Variants in DCTN6 observed in about 807,000 individuals in gnomAD.
DCTN6 encodes dynactin 6.
In DCTN6, 15 loss-of-function variants were observed where a neutral mutation model predicts 25.8. That is an observed-to-expected ratio of 0.58 (90% CI 0.39 to 0.89). The LOEUF is 0.89. DCTN6 is among the 40% of genes least tolerant of loss of function. DCTN6 has a pLI of 0.00. For missense variants in DCTN6, 198 were observed against 237.6 expected, an observed-to-expected ratio of 0.83 and a Z score of 1.09; for synonymous variants, 64 against 78.3, an observed-to-expected ratio of 0.82 and a Z score of 0.96.
rs1803636884 is a variant in DCTN6, at chr8:30,164,316, T to C, written c.88+141T>C. On this transcript the variant is annotated intron_variant, in intron 2 of 6. Transcript: ENST00000221114. The stretch of plus-strand genomic sequence containing the variant: ...ACAAAATAATGCATTTTCTCCTATG[T>C]GTTTAAATTTCTGAAAGAATGTAGT... 3 of 697,168 alleles carry C rather than the reference T, an allele frequency of 4.3e-6. No homozygotes were observed. The Admixed American group carries it at 7.2e-5, about 17-fold the overall frequency. The allele number at this position is 697,168 out of a possible 1,614,324, so 43.2% of individuals were successfully genotyped here. A position where few individuals can be genotyped will look rare whatever the true frequency, so the allele number is the denominator to read the frequency against.
intron 1 of DCTN6, among the ~76,000 whole-genome samples, chr8:30,160,808 A>G (rs755877633): frequency 1.2e-4 from 18 of 152,188 alleles, no homozygotes; most frequent in African/African-American, 2.4e-4. Flanking sequence ...CCTGGAACCA[A>G]TCTCCCACAG....
chr8:30,181,704 A>G lies in DCTN6; in HGVS notation c.474+1074A>G, dbSNP rs540375332. Among the ~76,000 whole-genome samples, 8 of 152,228 alleles carry G rather than the reference A, an allele frequency of 5.3e-5. 1 individual carries two copies. The East Asian group carries it at 1.5e-3, about 29-fold the overall frequency. On this transcript the variant is annotated intron_variant, in intron 6 of 6. Transcript: ENST00000221114. ...GGAGTTTAAGACCAGCCTGGGCAAC[A>G]TCATGAGACCCCATCTCTACAAAAA...
At chr8:30,178,690 G>T (rs564374258) in intron 4 of DCTN6, among the ~76,000 whole-genome samples, 1 of 151,952 alleles carries the variant, frequency 6.6e-6, no homozygotes, top group African/African-American at 2.4e-5. Context: ...ACAGGCTCTT[G>T]CTCTGTCACC....
chr8:30,171,094 T>C (rs1803756766), intron 2 of DCTN6, among the ~76,000 whole-genome samples: 1 of 152,194 alleles, frequency 6.6e-6, no homozygotes, highest in Non-Finnish European at 1.5e-5. Context: ...CTTGTTTTCA[T>C]AAGTTTTAAA....
At chr8:30,175,527 G>GT (rs1041147996) in intron 3 of DCTN6, among the ~76,000 whole-genome samples, 4,098 of 139,084 alleles carry the variant, frequency 0.029, 111 homozygotes, top group African/African-American at 0.084. Context: ...ACCCTGCAGA[G>GT]TTTTTTTTTT....
Position 30,177,193 on chromosome 8 carries a change from A to C in DCTN6, c.262A>C (p.Asn88His), listed in dbSNP as rs201623673. The change falls in exon 4 of 7, where the codon AAT (asparagine) becomes CAT (histidine). Residue 88 changes from asparagine (N) to histidine (H), a missense_variant. Transcript: ENST00000221114. ...EPKPMIIGTNNVFEVGCYSQA... is the reference protein window; with the variant it reads ...EPKPMIIGTNHVFEVGCYSQA... ...AAAACCTATGATCATTGGCACCAAT[A>C]ATGTGTTTGAAGTTGGCTGTTGTAT... The C allele has an allele frequency of 6.2e-7, 1 of 1,613,730 alleles. No homozygotes were observed. Among genetic ancestry groups the C allele is most frequent in the Non-Finnish European group, 8.5e-7 (1 of 1,179,766 alleles).
intron 2 of DCTN6, among the ~76,000 whole-genome samples, chr8:30,171,976 G>C (rs577866814): frequency 3.9e-5 from 6 of 152,254 alleles, no homozygotes; most frequent in Non-Finnish European, 7.4e-5. Flanking sequence ...CTAGACAAGG[G>C]GGGTGGGGCT....
chr8:30,176,389 G>A (rs187967900), intron 3 of DCTN6, among the ~76,000 whole-genome samples: 1 of 152,156 alleles, frequency 6.6e-6, no homozygotes, highest in East Asian at 1.9e-4. Context: ...AAAATTAGCC[G>A]GGCGTGGTGG....
At chr8:30,180,683 C>G in intron 6 of DCTN6, 53 bp downstream of exon 6, 1 of 1,594,498 alleles carries the variant, frequency 6.3e-7, no homozygotes, top group South Asian at 1.1e-5. Flanking sequence ...TCCCAAAATA[C>G]AATGTAATTG....
intron 3 of DCTN6, chr8:30,176,820 C>T (rs1272919066): frequency 4.2e-6 from 1 of 236,350 alleles, no homozygotes; most frequent in East Asian, 1.1e-4. Context: ...CACAAAAATA[C>T]AAAAATTAGC....
intron 1 of DCTN6, among the ~76,000 whole-genome samples, chr8:30,158,580 C>A (rs908911103): frequency 6.6e-6 from 1 of 151,926 alleles, no homozygotes; most frequent in African/African-American, 2.4e-5. Flanking sequence ...CTCTGAATTT[C>A]AGTTTTTTCT....
intron 5 of DCTN6, among the ~76,000 whole-genome samples, chr8:30,179,763 G>A (rs1315111326): frequency 6.6e-6 from 1 of 152,162 alleles, no homozygotes; most frequent in Non-Finnish European, 1.5e-5. Context: ...TAGTGTTGTT[G>A]TAGAATTAAA....
chr8:30,175,551 G>A lies in DCTN6; in HGVS notation c.194+361G>A, dbSNP rs1351956345. 2.7e-5 allele frequency among the ~76,000 whole-genome samples: 4 copies of A among 150,298 alleles called. No individual in the cohort carries two copies. The South Asian group carries it at 6.3e-4, about 24-fold the overall frequency. On this transcript the variant is annotated intron_variant, in intron 3 of 6. Coordinates refer to ENST00000221114, the MANE Select transcript of DCTN6 (RefSeq NM_006571.4). ...AGTTTTTTTTTTTTTTGATTTTTTG[G>A]TTGTAGCTGAAATGTTATTACTCAT...
At chr8:30,161,251 G>A (rs1803590114) in intron 1 of DCTN6, among the ~76,000 whole-genome samples, 1 of 152,050 alleles carries the variant, frequency 6.6e-6, no homozygotes, top group African/African-American at 2.4e-5. Flanking sequence ...GTTTCCTGAG[G>A]CCTCCCCAGT....
At chr8:30,156,959 A>G (rs1165966493) in intron 1 of DCTN6, among the ~76,000 whole-genome samples, 1 of 152,204 alleles carries the variant, frequency 6.6e-6, no homozygotes, top group Admixed American at 6.5e-5. Context: ...CACACATTAT[A>G]TAGATGCAAG....
chr8:30,156,513 C>A (rs1449522850), intron 1 of DCTN6, 107 bp downstream of exon 1: 1 of 1,356,018 alleles, frequency 7.4e-7, no homozygotes, highest in Non-Finnish European at 1.0e-6. Context: ...CCTGGGCATT[C>A]GGGCCGAAGG....
At chr8:30,174,959 C>T in intron 2 of DCTN6, 126 bp from the exon 3 acceptor site, 4 of 799,378 alleles carry the variant, frequency 5.0e-6, no homozygotes, top group Admixed American at 4.8e-5. Context: ...AAGTACCTAG[C>T]TTGGTGCCTG....
intron 4 of DCTN6, among the ~76,000 whole-genome samples, chr8:30,178,590 T>G (rs1259586421): frequency 6.6e-6 from 1 of 152,104 alleles, no homozygotes; most frequent in Non-Finnish European, 1.5e-5. Context: ...TTAAATAAAT[T>G]GAACTATGAG....
At chr8:30,174,153 G>C (rs1803800660) in intron 2 of DCTN6, among the ~76,000 whole-genome samples, 1 of 152,164 alleles carries the variant, frequency 6.6e-6, no homozygotes, top group South Asian at 2.1e-4. Flanking sequence ...GATCACCTTT[G>C]GGTCCTTCTG....
Sources: allele counts gnomAD v4.1 joint callset (sites outside exome capture counted in the v4.1 genomes callset), GRCh38; gene constraint gnomAD v4.1.1; transcripts MANE v1.5; gene names NCBI Gene and HGNC (gene_info 2026-07-23, HGNC 2026-07-21).